PLEKHG3: variants seen among roughly 807,000 people sequenced by gnomAD.
PLEKHG3 encodes the protein pleckstrin homology domain-containing family G member 3.
In PLEKHG3, 62 loss-of-function variants were observed where a neutral mutation model predicts 94.9. The observed-to-expected ratio is 0.65, with a 90% CI of 0.53 to 0.81. The LOEUF (loss-of-function observed/expected upper bound fraction) is 0.81. PLEKHG3 is among the 30% of genes least tolerant of loss of function. The pLI is 0.00. For synonymous variants in PLEKHG3, 614 were observed against 654.0 expected (o/e 0.94, Z 0.93); for missense variants, 1,461 against 1,619.3 (o/e 0.90, Z 1.68).
intron 1 of PLEKHG3, among the ~76,000 whole-genome samples, chr14:64,713,210 G>A (rs992060153): frequency 6.6e-6 from 1 of 152,184 alleles, no homozygotes; most frequent in African/African-American, 2.4e-5. Context: ...GTATTTTGTT[G>A]AGGATTTTTG....
chr14:64,744,468 AT>A lies in PLEKHG3; in HGVS notation c.*766del, dbSNP rs894065130. On this transcript the variant is annotated 3_prime_UTR_variant, in exon 17 of 17. Transcript: ENST00000247226. ...CCACACTCAATTGTCACTTGGGCTT[AT>A]GAAACATAAGGCACCCGGGTACTGG... 1.3e-5 allele frequency: 2 copies of A among 152,402 alleles called. No individual in the cohort carries two copies. Among genetic ancestry groups the A allele is most frequent in the African/African-American group, 4.8e-5 (2 of 41,426 alleles). The allele number at this position is 152,402 out of a possible 1,614,324, so 9.4% of individuals were successfully genotyped here. A position where few individuals can be genotyped will look rare whatever the true frequency, so the allele number is the denominator to read the frequency against.
intron 14 of PLEKHG3, 57 bp downstream of exon 14, chr14:64,737,432 T>G (rs1594705154): frequency 1.6e-6 from 2 of 1,282,938 alleles, no homozygotes; most frequent in Non-Finnish European, 2.2e-6. Flanking sequence ...ACTGCCCAGG[T>G]CAGCCCCCGG....
rs142206951 is a variant in PLEKHG3, at chr14:64,706,572, T to A, written c.-40+1868T>A. 9.2e-5 allele frequency among the ~76,000 whole-genome samples: 14 copies of A among 151,958 alleles called. No individual in the cohort carries two copies. The East Asian group carries it at 2.7e-3, about 29-fold the overall frequency. ...GGGCTCACAGTGGCTCGGGAGGGAG[T>A]CTCCCAAGGGTTTTACAATTTGCTG... On this transcript the variant is annotated intron_variant, in intron 1 of 16. Transcript: ENST00000247226.
chr14:64,726,045 G>A lies in PLEKHG3; in HGVS notation c.-39-1548G>A, dbSNP rs926657246. On this transcript the variant is annotated intron_variant, in intron 1 of 16. Transcript: ENST00000247226. This position sits in a 1 kb window ranked among gnomAD's most constrained non-coding sequence, Gnocchi z 5.1. ...ACACAGAAAGAGTTCCCCAGGTTTG[G>A]GGGATATTGGAAGGTTCCTGGAGGG... Among the ~76,000 whole-genome samples the A allele has an allele frequency of 1.6e-4, 24 of 152,176 alleles. No homozygotes were observed. The highest frequency in any genetic ancestry group is 5.6e-4 in the African/African-American group (23 of 41,438).
chr14:64,741,533 T>G lies in PLEKHG3; in HGVS notation c.2016T>G (p.Ser672Arg). Residue 672 changes from serine to arginine, a missense_variant, in exon 16 of 17, where the codon AGT (serine) becomes AGG (arginine). This residue lies in a region of PLEKHG3 where 1,201 missense variants were observed against 1,295.5 expected (regional missense o/e 0.93). Coordinates refer to ENST00000247226, the MANE Select transcript of PLEKHG3 (RefSeq NM_001308147.2). ...AGCTCTCCCCAGAAGTGGACATCAG[T>G]GTGGGGGTGGCCACAGAGGACAGCC... ...SCQLSPEVDISVGVATEDSPS... is the reference protein window; with the variant it reads ...SCQLSPEVDIRVGVATEDSPS... The G allele has an allele frequency of 6.2e-7, 1 of 1,612,804 alleles. No individual in the cohort carries two copies. The highest frequency in any genetic ancestry group is 1.1e-5 in the South Asian group (1 of 91,082).
At chr14:64,719,513 T>C (rs942114701) in intron 1 of PLEKHG3, among the ~76,000 whole-genome samples, 4 of 151,978 alleles carry the variant, frequency 2.6e-5, no homozygotes, top group Non-Finnish European at 4.4e-5. Flanking sequence ...CAAGGCCACA[T>C]ACAGCCAGGA....
chr14:64,727,646 C>G lies in PLEKHG3; in HGVS notation c.15C>G (p.Thr5=). Residue 5 remains threonine (T), a synonymous_variant, in exon 2 of 17, where the codon ACC becomes ACG. Transcript: ENST00000247226. This position sits in a 1 kb window ranked among gnomAD's most constrained non-coding sequence, Gnocchi z 6.0. ...GCAATGCCAGGATGCCTGTGTCCAC[C>G]TCCCTCCACCAGGATGGCAGCCAGG... MPVS[T]SLHQDGSQER... 1 of 1,610,956 alleles carries G rather than the reference C, an allele frequency of 6.2e-7. No homozygotes were observed. Among genetic ancestry groups the G allele is most frequent in the Non-Finnish European group, 8.5e-7 (1 of 1,178,400 alleles).
rs117460775 is a variant in PLEKHG3, at chr14:64,715,132, G to T, written c.-40+10428G>T. Among the ~76,000 whole-genome samples the T allele has an allele frequency of 2.6e-5, 4 of 152,310 alleles. No individual in the cohort carries two copies. The East Asian group carries it at 7.7e-4, about 29-fold the overall frequency. The stretch of plus-strand genomic sequence containing the variant: ...TGTTTTTGGAGGCATCTACAGGTGA[G>T]TTATGAATTCCCAGGTGACTCTATT... On this transcript the variant is annotated intron_variant, in intron 1 of 16. Transcript: ENST00000247226. The surrounding 1 kb of genome is among the most constrained non-coding windows in gnomAD (Gnocchi z 4.4).
intron 1 of PLEKHG3, among the ~76,000 whole-genome samples, chr14:64,713,811 C>T (rs761842748): frequency 1.6e-4 from 25 of 151,642 alleles, no homozygotes; most frequent in Non-Finnish European, 3.5e-4. Flanking sequence ...GTTTATATTT[C>T]CTATCTTATT....
In PLEKHG3 at chr14:64,745,886, G is replaced by A. The variant is rs2081826942; in HGVS notation, c.*2183G>A. 1 of 152,166 alleles carries A rather than the reference G, an allele frequency of 6.6e-6. No homozygotes were observed. The highest frequency in any genetic ancestry group is 1.5e-5 in the Non-Finnish European group (1 of 68,038). 9.4% of individuals were successfully genotyped at this position (152,166 alleles called of 1,614,324 possible). A position where few individuals can be genotyped will look rare whatever the true frequency, so the allele number is the denominator to read the frequency against. The stretch of plus-strand genomic sequence containing the variant: ...CACTGGCTGCCCATTGGAATTATCT[G>A]GGGAGCCTTCTGGAAACGCAGTGCT... On this transcript the variant is annotated 3_prime_UTR_variant, in exon 17 of 17. Transcript: ENST00000247226. The surrounding 1 kb of genome is among the most constrained non-coding windows in gnomAD (Gnocchi z 5.0).
chr14:64,738,928 G>A lies in PLEKHG3; in HGVS notation c.1518+73G>A. On this transcript the variant is annotated intron_variant, in intron 15 of 16. Transcript: ENST00000247226. This position sits in a 1 kb window ranked among gnomAD's most constrained non-coding sequence, Gnocchi z 4.8. ...CCAGATTTTCAAGTCTGCAAATAGGGCTTTCAGGCACAGGCTCTCCCACTG... is the reference window on the plus strand; with the variant it reads ...CCAGATTTTCAAGTCTGCAAATAGGACTTTCAGGCACAGGCTCTCCCACTG... The A allele has an allele frequency of 1.1e-6, 1 of 928,166 alleles. No homozygotes were observed. The highest frequency in any genetic ancestry group is 2.6e-5 in the East Asian group (1 of 37,810). 57.5% of individuals were successfully genotyped at this position (928,166 alleles called of 1,614,324 possible).
chr14:64,742,245 C>T lies in PLEKHG3; in HGVS notation c.2728C>T (p.Leu910Phe). The T allele has an allele frequency of 1.2e-6, 2 of 1,612,680 alleles. No individual in the cohort carries two copies. Among genetic ancestry groups the T allele is most frequent in the Non-Finnish European group, 1.7e-6 (2 of 1,179,894 alleles). ...VAPLHPRIVQ[L>F]SHVMDSHVSE... ...CCCACTGCACCCCCGCATCGTGCAGCTCTCCCACGTAATGGACAGCCACGT... is the reference window on the plus strand; with the variant it reads ...CCCACTGCACCCCCGCATCGTGCAGTTCTCCCACGTAATGGACAGCCACGT... The change falls in exon 16 of 17, where the codon CTC becomes TTC. Residue 910 changes from leucine to phenylalanine, a missense_variant. Leu to Phe is a conservative substitution (Grantham distance 22). Coordinates refer to ENST00000247226, the MANE Select transcript of PLEKHG3 (RefSeq NM_001308147.2).
At chr14:64,736,375 G>A (rs1167425053) in intron 12 of PLEKHG3, among the ~76,000 whole-genome samples, 5 of 152,244 alleles carry the variant, frequency 3.3e-5, no homozygotes, top group African/African-American at 1.2e-4. Flanking sequence ...AGAAAGTCGG[G>A]TGCGACCTCT....
chr14:64,734,262 T>C (rs2081528352), intron 12 of PLEKHG3, among the ~76,000 whole-genome samples: 1 of 152,224 alleles, frequency 6.6e-6, no homozygotes, highest in Admixed American at 6.5e-5. Context: ...TTCTTCTCTC[T>C]AGCCCTCTTT....
At position 64,731,734 on chromosome 14, in the gene PLEKHG3, C is replaced by A. The variant is rs559911740; in HGVS notation, c.1053C>A (p.Ile351=). 2.5e-6 allele frequency: 4 copies of A among 1,613,054 alleles called. No homozygotes were observed. Among genetic ancestry groups the A allele is most frequent in the Middle Eastern group, 3.3e-4 (2 of 6,060 alleles). The change falls in exon 9 of 17, where the codon ATC becomes ATA. Residue 351 remains isoleucine, a synonymous_variant. Transcript: ENST00000247226. This position sits in a 1 kb window ranked among gnomAD's most constrained non-coding sequence, Gnocchi z 6.1. ...GNIPCSSLML[I]ESTRDSLCFT... ...CCTAGTGCTCCTCCCTGATGCTGAT[C>A]GAAAGCACCAGAGACTCCCTGTGCT...
At chr14:64,740,949 C>A in intron 15 of PLEKHG3, 87 bp from the exon 16 acceptor site, 1 of 1,122,830 alleles carries the variant, frequency 8.9e-7, no homozygotes, top group Non-Finnish European at 1.3e-6. Flanking sequence ...TGTCATTGGG[C>A]CTTGAGCAGG....
rs1566707578 is a variant in PLEKHG3 at position 64,732,167 on chromosome 14, ACCATT to A, written c.1201_1205del (p.Ile401ProfsTer34). 6.2e-7 allele frequency: 1 copy of A among 1,613,600 alleles called. No individual in the cohort carries two copies. Among genetic ancestry groups the A allele is most frequent in the Non-Finnish European group, 8.5e-7 (1 of 1,179,570 alleles). On this transcript the variant is annotated frameshift_variant, in exon 10 of 17. Transcript: ENST00000247226. LOFTEE classifies it high-confidence loss of function. This position sits in a 1 kb window ranked among gnomAD's most constrained non-coding sequence, Gnocchi z 4.9. The stretch of plus-strand genomic sequence containing the variant: ...GCTCATCCTAGAGAACCACCATGCC[ACCATT>A]CCCCAGAAGGTGAGTTCCCCCAGCT...
chr14:64,737,115 A>G (rs905618219), intron 13 of PLEKHG3: 12 of 645,644 alleles, frequency 1.9e-5, no homozygotes, highest in Non-Finnish European at 3.4e-5. Flanking sequence ...TTTCCTCCGG[A>G]AACAATGAGA....
chr14:64,749,745 G>T lies in PLEKHG3; in HGVS notation c.*6042G>T. The T allele has an allele frequency of 6.2e-7, 1 of 1,600,732 alleles. No individual in the cohort carries two copies. The highest frequency in any genetic ancestry group is 1.7e-5 in the Admixed American group (1 of 58,322). ...TCATGGAGACACCTCTGGAGGGGGC[G>T]CTGGGCAGAGGGCTGGCTCTGATCC... On this transcript the variant is annotated 3_prime_UTR_variant, in exon 17 of 17. Coordinates refer to ENST00000247226, the MANE Select transcript of PLEKHG3 (RefSeq NM_001308147.2). The surrounding 1 kb of genome is among the most constrained non-coding windows in gnomAD (Gnocchi z 4.7).
Sources: allele counts gnomAD v4.1 joint callset (sites outside exome capture counted in the v4.1 genomes callset), GRCh38; gene constraint gnomAD v4.1.1; regional missense constraint gnomAD v4.1.1; non-coding constraint Gnocchi (gnomAD v3.1); transcripts MANE v1.5; gene names NCBI Gene and HGNC (gene_info 2026-07-23, HGNC 2026-07-21).